The following NDRG3 variants were observed in gnomAD, a reference collection of about 807,000 sequenced individuals.
The protein encoded by NDRG3 is NDRG family member 3, also known as protein NDRG3.
NDRG3 carries 23 observed loss-of-function variants against 57.2 expected under a neutral mutation model. The ratio of observed to expected loss-of-function variants is 0.40; its 90% CI spans 0.29 to 0.57. NDRG3 has a LOEUF of 0.57. Among genes scored for constraint, NDRG3 ranks in the 20% least tolerant of loss-of-function variants. The pLI, the probability that NDRG3 is intolerant of heterozygous loss-of-function variation, is 0.42. For missense variants in NDRG3, 384 were observed against 457.3 expected (o/e 0.84, Z 1.46); for synonymous variants, 132 against 162.6 (o/e 0.81, Z 1.43).
At chr20:36,741,249 C>T (rs1238648996) in intron 1 of NDRG3, among the ~76,000 whole-genome samples, 1 of 152,076 alleles carries the variant, frequency 6.6e-6, no homozygotes, top group African/African-American at 2.4e-5. Context: ...AGAGCTAGAC[C>T]CTGGTCCCTG....
intron 1 of NDRG3, among the ~76,000 whole-genome samples, chr20:36,735,923 G>A (rs776426635): frequency 3.4e-5 from 5 of 146,722 alleles, no homozygotes; most frequent in African/African-American, 1.3e-4. Context: ...GCAGTGAGCC[G>A]AGATTGCACC....
intron 6 of NDRG3, among the ~76,000 whole-genome samples, chr20:36,683,156 A>G (rs1317133802): frequency 1.3e-5 from 2 of 151,990 alleles, no homozygotes; most frequent in East Asian, 3.9e-4. Flanking sequence ...AGGCAGGAGA[A>G]TGGCATGAAC....
intron 3 of NDRG3, among the ~76,000 whole-genome samples, chr20:36,703,354 C>T (rs1288663134): frequency 6.6e-6 from 1 of 151,540 alleles, no homozygotes; most frequent in Non-Finnish European, 1.5e-5. Flanking sequence ...CCCACACACA[C>T]ATATATATAT....
In NDRG3 at chr20:36,687,513, C is replaced by T; in HGVS notation, c.299G>A (p.Gly100Asp). 6.2e-7 allele frequency: 1 copy of T among 1,613,790 alleles called. No homozygotes were observed. Among genetic ancestry groups the T allele is most frequent in the Admixed American group, 1.7e-5 (1 of 60,000 alleles). ...TTACCCTGTTGGGAAAGAGGGTGCA[C>T]CTTCCTGCTGGCCTGGGGCATCCAC... The part of the protein sequence containing the change: ...CHVDAPGQQE[G>D]APSFPTGYQY... The change falls in exon 5 of 16, where the codon GGT becomes GAT. Residue 100 changes from glycine to aspartate, a missense_variant. Physicochemically the swap from Gly to Asp is moderately conservative, Grantham distance 94. Transcript: ENST00000349004.
chr20:36,727,877 G>C, intron 1 of NDRG3, among the ~76,000 whole-genome samples: 1 of 151,984 alleles, frequency 6.6e-6, no homozygotes, highest in East Asian at 1.9e-4. Flanking sequence ...GCTCAGAGAA[G>C]TTAAGTAACT....
At chr20:36,744,864 C>T (rs1986105494) in intron 1 of NDRG3, among the ~76,000 whole-genome samples, 1 of 151,528 alleles carries the variant, frequency 6.6e-6, no homozygotes, top group Admixed American at 6.6e-5. Context: ...GCCAAATCTG[C>T]TCTGTCACCT....
intron 1 of NDRG3, among the ~76,000 whole-genome samples, chr20:36,724,911 A>C (rs1984828600): frequency 6.6e-6 from 1 of 152,190 alleles, no homozygotes; most frequent in Non-Finnish European, 1.5e-5. Context: ...CCTGGGCAAC[A>C]GAACAAGACT....
chr20:36,715,000 G>GTATATATA (rs1484496414), intron 2 of NDRG3, among the ~76,000 whole-genome samples: 3 of 56,570 alleles, frequency 5.3e-5, no homozygotes, highest in Admixed American at 2.2e-4. Context: ...GTGTGTGTGT[G>GTATATATA]TGTGTGTATA....
intron 15 of NDRG3, among the ~76,000 whole-genome samples, chr20:36,655,806 A>G (rs1284469926): frequency 2.0e-5 from 3 of 152,122 alleles, no homozygotes; most frequent in East Asian, 1.9e-4. Flanking sequence ...TTCTTCTTCT[A>G]TAAATTGGCA....
chr20:36,692,750 T>C (rs912652764), intron 3 of NDRG3, among the ~76,000 whole-genome samples: 3 of 151,920 alleles, frequency 2.0e-5, no homozygotes, highest in African/African-American at 7.3e-5. Flanking sequence ...TTAAGCTATA[T>C]TGGGTGGGTT....
chr20:36,688,714 G>C lies in NDRG3; in HGVS notation c.164C>G (p.Pro55Arg), dbSNP rs1225225214. The C allele has an allele frequency of 6.2e-7, 1 of 1,613,730 alleles. No individual in the cohort carries two copies. The highest frequency in any genetic ancestry group is 8.5e-7 in the Non-Finnish European group (1 of 1,179,636). ...AATGTCATGATATGTTAGTATAACTGGTCTGTTTCCTTTGGGTAAGCCTCT... is the reference window on the plus strand; with the variant it reads ...AATGTCATGATATGTTAGTATAACTCGTCTGTTTCCTTTGGGTAAGCCTCT... ...TIRGLPKGNR[P>R]VILTYHDIGL... is the part of the protein sequence containing the mutation. The change falls in exon 4 of 16, where the codon CCA becomes CGA. Residue 55 changes from proline (P) to arginine (R), a missense_variant. Pro to Arg is a moderately radical substitution (Grantham distance 103). Coordinates refer to ENST00000349004, the MANE Select transcript of NDRG3 (RefSeq NM_032013.4).
intron 3 of NDRG3, among the ~76,000 whole-genome samples, chr20:36,702,301 A>G (rs1179197821): frequency 2.0e-5 from 3 of 151,436 alleles, no homozygotes; most frequent in Non-Finnish European, 4.4e-5. Flanking sequence ...TATGCCGGCT[A>G]ATTTTTTTGT....
chr20:36,660,485 T>A, intron 12 of NDRG3, 101 bp from the exon 13 acceptor site: 1 of 756,224 alleles, frequency 1.3e-6, no homozygotes, highest in Non-Finnish European at 2.2e-6. Context: ...AACAGCTCAG[T>A]CTGGAGAAGG....
chr20:36,680,944 C>A, intron 7 of NDRG3, 42 bp from the exon 8 acceptor site: 1 of 1,515,276 alleles, frequency 6.6e-7, no homozygotes. Context: ...AGCTACACTC[C>A]CACAGTTCTT....
At chr20:36,685,624 G>A (rs78574291) in intron 5 of NDRG3, among the ~76,000 whole-genome samples, 4,299 of 152,188 alleles carry the variant, frequency 0.028, 243 homozygotes, top group African/African-American at 0.099. Flanking sequence ...TTATTTTATT[G>A]TATTTGAATT....
At chr20:36,686,209 A>T (rs1284858839) in intron 5 of NDRG3, among the ~76,000 whole-genome samples, 1 of 152,192 alleles carries the variant, frequency 6.6e-6, no homozygotes, top group Non-Finnish European at 1.5e-5. Flanking sequence ...TGTTGGATAT[A>T]AACTGACCAC....
intron 13 of NDRG3, among the ~76,000 whole-genome samples, chr20:36,659,593 T>A (rs1030416343): frequency 6.6e-6 from 1 of 152,098 alleles, no homozygotes; most frequent in South Asian, 2.1e-4. Flanking sequence ...AAAAGCTTTA[T>A]TTTATTTATT....
At chr20:36,729,443 G>A (rs1985142532) in intron 1 of NDRG3, among the ~76,000 whole-genome samples, 1 of 152,152 alleles carries the variant, frequency 6.6e-6, no homozygotes, top group African/African-American at 2.4e-5. Context: ...AGTGATGAGA[G>A]TCTAACATGT....
intron 2 of NDRG3, among the ~76,000 whole-genome samples, chr20:36,708,592 G>A (rs1421234373): frequency 2.7e-5 from 4 of 147,872 alleles, no homozygotes; most frequent in Non-Finnish European, 5.9e-5. Flanking sequence ...AGGTTGCGGT[G>A]AGCCGATATT....
Sources: allele counts gnomAD v4.1 joint callset (sites outside exome capture counted in the v4.1 genomes callset), GRCh38; gene constraint gnomAD v4.1.1; transcripts MANE v1.5; gene names NCBI Gene and HGNC (gene_info 2026-07-23, HGNC 2026-07-21).